TAFA1: variants seen among roughly 807,000 people sequenced by gnomAD.
TAFA1 encodes the protein chemokine-like protein TAFA-1.
In TAFA1, 4 loss-of-function variants were observed where a neutral mutation model predicts 18.5. That is an observed-to-expected ratio of 0.22 (90% CI 0.11 to 0.49). The LOEUF is 0.49. TAFA1 is among the 20% of genes least tolerant of loss of function. The probability of loss-of-function intolerance (pLI) is 0.98; values close to 1 mark genes in which losing one functional copy is unlikely to be tolerated. For missense variants in TAFA1, 147 were observed against 169.0 expected, an observed-to-expected ratio of 0.87 and a Z score of 0.72; for synonymous variants, 56 against 55.2, an observed-to-expected ratio of 1.01 and a Z score of -0.06.
chr3:68,166,998 G>A (rs2065989942), intron 2 of TAFA1, among the ~76,000 whole-genome samples: 1 of 152,154 alleles, frequency 6.6e-6, no homozygotes. Context: ...ATTGTTGGTG[G>A]AGGCTTTAAG....
intron 2 of TAFA1, among the ~76,000 whole-genome samples, chr3:68,254,133 GTA>G: frequency 9.0e-6 from 1 of 111,178 alleles, no homozygotes; most frequent in Non-Finnish European, 2.0e-5. Context: ...ATGTATGTAT[GTA>G]TCTATCTATC....
intron 2 of TAFA1, among the ~76,000 whole-genome samples, chr3:68,205,404 G>A (rs1402141691): frequency 6.6e-6 from 1 of 151,820 alleles, no homozygotes; most frequent in Non-Finnish European, 1.5e-5. Context: ...GAGGGGATAT[G>A]AGGAATGAAA....
intron 2 of TAFA1, among the ~76,000 whole-genome samples, chr3:68,411,235 G>A (rs2070709983): frequency 6.6e-6 from 1 of 152,164 alleles, no homozygotes; most frequent in Admixed American, 6.5e-5. Context: ...CCAAGTAAAG[G>A]TGGGCTCTTG....
intron 2 of TAFA1, among the ~76,000 whole-genome samples, chr3:68,231,517 C>T (rs1189465384): frequency 4.7e-5 from 7 of 150,440 alleles, no homozygotes; most frequent in African/African-American, 1.2e-4. Context: ...CCCGCCACCG[C>T]GCCCGGCTAA....
chr3:68,009,760 G>T (rs1704434374), intron 2 of TAFA1, among the ~76,000 whole-genome samples: 1 of 152,056 alleles, frequency 6.6e-6, no homozygotes, highest in African/African-American at 2.4e-5. Context: ...ACAATCTTTT[G>T]ATTTTAAGAA....
intron 3 of TAFA1, among the ~76,000 whole-genome samples, chr3:68,492,592 C>G (rs556715328): frequency 6.6e-6 from 1 of 152,216 alleles, no homozygotes; most frequent in South Asian, 2.1e-4. Context: ...TGATTCATGA[C>G]TTTATGGATG....
chr3:68,313,307 CCTAT>C (rs2068553477), intron 2 of TAFA1, among the ~76,000 whole-genome samples: 1 of 152,120 alleles, frequency 6.6e-6, no homozygotes, highest in Non-Finnish European at 1.5e-5. Context: ...CATTCTAAAA[CCTAT>C]CTATTTAAAC....
rs1329643027 is a variant in TAFA1, at chr3:68,028,647, TG to T, written c.118+21904del. On this transcript the variant is annotated intron_variant, in intron 2 of 4. Transcript: ENST00000478136. ...TTCTTGTGGATGCTGACTTGTGGATTGACTTGTGGCTGCCATATCACTCCAA... is the reference window on the plus strand; with the variant it reads ...TTCTTGTGGATGCTGACTTGTGGATTACTTGTGGCTGCCATATCACTCCAA... Among the ~76,000 whole-genome samples the T allele has an allele frequency of 7.9e-5, 12 of 152,282 alleles. No homozygotes were observed. The East Asian group carries it at 2.1e-3, about 27-fold the overall frequency.
intron 2 of TAFA1, among the ~76,000 whole-genome samples, chr3:68,126,163 A>G (rs2065462576): frequency 6.6e-6 from 1 of 152,036 alleles, no homozygotes; most frequent in Admixed American, 6.5e-5. Context: ...CCAAAACCCT[A>G]CTGATCAAAC....
intron 2 of TAFA1, among the ~76,000 whole-genome samples, chr3:68,334,079 G>A (rs1177264131): frequency 6.6e-6 from 1 of 152,184 alleles, no homozygotes; most frequent in Non-Finnish European, 1.5e-5. Context: ...GGCCCAATGT[G>A]CAACATGGAA....
At chr3:68,233,518 G>T (rs555624360) in intron 2 of TAFA1, among the ~76,000 whole-genome samples, 9 of 152,244 alleles carry the variant, frequency 5.9e-5, no homozygotes, top group East Asian at 5.8e-4. Context: ...ATGCCATGCT[G>T]TCTGGGTTAC....
chr3:68,541,061 C>T (rs900787134), intron 4 of TAFA1, among the ~76,000 whole-genome samples: 1 of 152,170 alleles, frequency 6.6e-6, no homozygotes, highest in Non-Finnish European at 1.5e-5. Context: ...GGTTTGAAAG[C>T]AGAGGATGTA....
At chr3:68,457,695 A>G (rs1459145039) in intron 3 of TAFA1, among the ~76,000 whole-genome samples, 1 of 152,204 alleles carries the variant, frequency 6.6e-6, no homozygotes, top group Admixed American at 6.5e-5. Flanking sequence ...AAAATATAAT[A>G]CATTGTCATT....
At chr3:68,081,262 C>T (rs2064895346) in intron 2 of TAFA1, among the ~76,000 whole-genome samples, 1 of 152,036 alleles carries the variant, frequency 6.6e-6, no homozygotes, top group Non-Finnish European at 1.5e-5. Context: ...GTTTGAATGT[C>T]CTCCCATAGC....
rs138910586 is a variant in TAFA1 at position 68,543,085 on chromosome 3, T to G, written c.385-1401T>G. On this transcript the variant is annotated intron_variant, in intron 4 of 4. Coordinates refer to ENST00000478136, the MANE Select transcript of TAFA1 (RefSeq NM_213609.4). Reference sequence around the variant, plus strand: ...AATTGTGAGGGACGTATGTGGCTTTTGAAACATCTTTGTAGCTATATTATT... The same window carrying G: ...AATTGTGAGGGACGTATGTGGCTTTGGAAACATCTTTGTAGCTATATTATT... 4.4e-3 allele frequency among the ~76,000 whole-genome samples: 671 copies of G among 152,258 alleles called. 1 individual carries two copies. The highest frequency in any genetic ancestry group is 0.015 in the African/African-American group (638 of 41,562).
intron 2 of TAFA1, among the ~76,000 whole-genome samples, chr3:68,219,743 G>GATAATATAATATAATATAATAATA (rs2066706984): frequency 6.6e-6 from 1 of 152,030 alleles, no homozygotes. Flanking sequence ...CCTAATCAAG[G>GATAATATAATATAATATAATAATA]GAATGATATC....
intron 2 of TAFA1, among the ~76,000 whole-genome samples, chr3:68,079,293 T>G (rs1276621558): frequency 6.6e-6 from 1 of 152,172 alleles, no homozygotes; most frequent in Non-Finnish European, 1.5e-5. Context: ...TTTGAAGGGT[T>G]TTTTGTGTCT....
chr3:68,506,170 G>A (rs1190658018), intron 3 of TAFA1, among the ~76,000 whole-genome samples: 1 of 152,058 alleles, frequency 6.6e-6, no homozygotes, highest in Non-Finnish European at 1.5e-5. Context: ...TTAGTTTGCT[G>A]AGAATGATAG....
At chr3:68,058,295 A>G (rs1437216023) in intron 2 of TAFA1, among the ~76,000 whole-genome samples, 1 of 152,232 alleles carries the variant, frequency 6.6e-6, no homozygotes, top group African/African-American at 2.4e-5. Flanking sequence ...TGTTATAAGC[A>G]TTGAGCAAGA....
Sources: gnomAD v4.1 joint callset for allele counts (sites outside exome capture counted in the v4.1 genomes callset) on GRCh38, gnomAD v4.1.1 for gene constraint, MANE v1.5 for transcripts, NCBI Gene and HGNC (gene_info 2026-07-23, HGNC 2026-07-21) for gene names.